TM2D1: variants seen among roughly 807,000 people sequenced by gnomAD.
TM2D1 encodes the protein TM2 domain containing 1.
Under a neutral mutation model 28.4 loss-of-function variants are expected in TM2D1, and 15 were observed. The observed-to-expected ratio is 0.53, with a 90% CI of 0.35 to 0.81. The LOEUF is 0.81. Ranked by LOEUF, TM2D1 falls within the 40% of genes least tolerant of loss-of-function variation. TM2D1 has a pLI of 0.01. For synonymous variants in TM2D1, 93 were observed against 96.2 expected (o/e 0.97, Z 0.20); for missense variants, 236 against 254.9 (o/e 0.93, Z 0.50).
chr1:61,687,243 A>G (rs1644291089), intron 5 of TM2D1, among the ~76,000 whole-genome samples: 2 of 152,158 alleles, frequency 1.3e-5, no homozygotes, highest in South Asian at 4.1e-4. Flanking sequence ...AGGTTACCAG[A>G]AGGTGGGAAG....
At chr1:61,688,583 C>A (rs543947610) in intron 5 of TM2D1, among the ~76,000 whole-genome samples, 3 of 152,068 alleles carry the variant, frequency 2.0e-5, no homozygotes, top group Non-Finnish European at 2.9e-5. Context: ...ATCAGCTGGG[C>A]GCGGTGGCAC....
At chr1:61,692,831 T>C (rs751841888) in intron 5 of TM2D1, among the ~76,000 whole-genome samples, 1 of 152,176 alleles carries the variant, frequency 6.6e-6, no homozygotes. Context: ...TCTAAACTGA[T>C]CATATCTGTG....
intron 6 of TM2D1, 121 bp downstream of exon 6, chr1:61,683,296 C>A (rs12134102): frequency 0.2 from 72,694 of 362,186 alleles, 8,648 homozygotes; most frequent in Non-Finnish European, 0.25. Flanking sequence ...ATGTTTCAGG[C>A]ATAGGGGTAC....
At chr1:61,714,218 GT>G (rs931545707) in intron 2 of TM2D1, among the ~76,000 whole-genome samples, 1 of 150,036 alleles carries the variant, frequency 6.7e-6, no homozygotes, top group African/African-American at 2.4e-5. Context: ...TTCTAGGTGA[GT>G]TGAAAATGCC....
chr1:61,705,027 G>T (rs1644430841), intron 3 of TM2D1, among the ~76,000 whole-genome samples: 1 of 152,204 alleles, frequency 6.6e-6, no homozygotes, highest in African/African-American at 2.4e-5. Flanking sequence ...ATGGCCAAAA[G>T]CCATACTGCA....
At chr1:61,697,444 A>C (rs947140954) in intron 4 of TM2D1, 4 of 151,604 alleles carry the variant, frequency 2.6e-5, no homozygotes, top group African/African-American at 9.7e-5. Flanking sequence ...GCCTCAACTG[A>C]TCCTCCTGCC....
intron 3 of TM2D1, among the ~76,000 whole-genome samples, chr1:61,704,802 C>T (rs1376207636): frequency 1.6e-4 from 25 of 152,046 alleles, no homozygotes; most frequent in Non-Finnish European, 1.3e-4. Context: ...CAGTGGCTCT[C>T]ACCTGTAATC....
chr1:61,692,488 G>GAAAGAAAAAGAAAGAGAAAGAGA, intron 5 of TM2D1, among the ~76,000 whole-genome samples: 1 of 139,894 alleles, frequency 7.1e-6, no homozygotes, highest in African/African-American at 2.7e-5. Flanking sequence ...GAGAAAGAAA[G>GAAAGAAAAAGAAAGAGAAAGAGA]AAAGAAAAAG....
At chr1:61,682,966 T>C (rs186370219) in intron 6 of TM2D1, among the ~76,000 whole-genome samples, 1 of 152,056 alleles carries the variant, frequency 6.6e-6, no homozygotes, top group East Asian at 1.9e-4. Flanking sequence ...AGCCAAACTT[T>C]AGGTTAGAAG....
intron 4 of TM2D1, chr1:61,699,065 A>ACT (rs1378908520): frequency 4.6e-5 from 7 of 152,192 alleles, no homozygotes; most frequent in Non-Finnish European, 1.0e-4. Flanking sequence ...TAAATTGGCC[A>ACT]GGCACTGTGG....
In TM2D1 at chr1:61,709,383, G is replaced by T; in HGVS notation, c.293C>A (p.Thr98Lys). ...ITCKDSSGNE[T>K]HFTGNEVGFF... ...ACCAACTTCGTTCCCAGTAAAATGT[G>T]TTTCATTGCCACTGGAATCCTTACA... The change falls in exon 3 of 7, where the codon ACA (threonine) becomes AAA (lysine). Residue 98 changes from threonine to lysine, a missense_variant. By Grantham distance (78) the Thr-to-Lys change is moderately conservative (BLOSUM62 -1). Transcript: ENST00000606498. 6.2e-7 allele frequency: 1 copy of T among 1,602,236 alleles called. No homozygotes were observed. The highest frequency in any genetic ancestry group is 1.7e-4 in the Middle Eastern group (1 of 5,970).
chr1:61,708,565 T>C (rs1644456081), intron 3 of TM2D1, among the ~76,000 whole-genome samples: 1 of 152,204 alleles, frequency 6.6e-6, no homozygotes, highest in African/African-American at 2.4e-5. Flanking sequence ...CTGATAACTT[T>C]TGAATTCTGT....
At chr1:61,683,309 G>A in intron 6 of TM2D1, 108 bp downstream of exon 6, 1 of 384,644 alleles carries the variant, frequency 2.6e-6, no homozygotes, top group Non-Finnish European at 4.6e-6. Flanking sequence ...AGGGGTACCT[G>A]AGAGGTTTAT....
intron 4 of TM2D1, 22 bp from the exon 5 acceptor site, chr1:61,694,792 T>C (rs374689072): frequency 3.0e-5 from 47 of 1,541,454 alleles, no homozygotes; most frequent in Middle Eastern, 1.7e-4. Flanking sequence ...GGTAAAGTCA[T>C]TTATAATCTG....
intron 5 of TM2D1, 186 bp downstream of exon 5, chr1:61,694,511 G>C (rs1310744726): frequency 2.3e-6 from 1 of 434,712 alleles, no homozygotes; most frequent in African/African-American, 2.0e-5. Context: ...CTAACTGGTA[G>C]AGCACAGTTT....
chr1:61,714,175 C>A (rs12119439), intron 2 of TM2D1, among the ~76,000 whole-genome samples: 3 of 147,066 alleles, frequency 2.0e-5, no homozygotes, highest in Admixed American at 6.7e-5. Context: ...GATTACAGGC[C>A]TGAGCCACCG....
At chr1:61,694,881 C>G (rs1439735015) in intron 4 of TM2D1, 111 bp from the exon 5 acceptor site, 5 of 494,778 alleles carry the variant, frequency 1.0e-5, no homozygotes, top group Non-Finnish European at 1.7e-5. Flanking sequence ...CTCTTTATAT[C>G]AAGAACATAA....
intron 3 of TM2D1, among the ~76,000 whole-genome samples, chr1:61,702,057 G>A (rs1256692426): frequency 6.6e-6 from 1 of 152,014 alleles, no homozygotes; most frequent in African/African-American, 2.4e-5. Flanking sequence ...GGACGTGGTG[G>A]CAGGCACCTG....
At chr1:61,703,413 A>ATTT (rs562710565) in intron 3 of TM2D1, among the ~76,000 whole-genome samples, 191 of 131,440 alleles carry the variant, frequency 1.5e-3, no homozygotes, top group African/African-American at 5.3e-3. Context: ...GTTTCACATA[A>ATTT]TTTTTTTTTT....
Sources: allele counts gnomAD v4.1 joint callset (sites outside exome capture counted in the v4.1 genomes callset), GRCh38; gene constraint gnomAD v4.1.1; transcripts MANE v1.5; gene names NCBI Gene and HGNC (gene_info 2026-07-23, HGNC 2026-07-21).